NYAP2: variants seen among roughly 807,000 people sequenced by gnomAD.
NYAP2 encodes the protein neuronal tyrosine-phosphorylated phosphoinositide-3-kinase adapter 2.
A neutral mutation model predicts 50.4 loss-of-function variants in NYAP2; 23 were observed. The ratio of observed to expected loss-of-function variants is 0.46; its 90% CI spans 0.33 to 0.65. The LOEUF is 0.65. Among genes scored for constraint, NYAP2 ranks in the 30% least tolerant of loss-of-function variants. The probability of loss-of-function intolerance (pLI) is 0.02; values close to 1 mark genes in which losing one functional copy is unlikely to be tolerated. For missense variants in NYAP2, 885 were observed against 861.0 expected (o/e 1.03, Z -0.35); for synonymous variants, 394 against 365.2 (o/e 1.08, Z -0.90).
the NYAP2 span, among the ~76,000 whole-genome samples, chr2:225,666,837 C>G: frequency 2.8e-5 from 4 of 143,854 alleles, no homozygotes; most frequent in African/African-American, 8.1e-5. Flanking sequence ...TACATATTCC[C>G]CCCCCTCCAT....
At chr2:225,621,763 T>G (rs11682482) in intron 5 of NYAP2, among the ~76,000 whole-genome samples, 97,751 of 151,522 alleles carry the variant, frequency 0.65, 32,048 homozygotes, top group South Asian at 0.82. Context: ...AGAATGGGCA[T>G]ATTTGTTATA....
intron 5 of NYAP2, among the ~76,000 whole-genome samples, chr2:225,609,177 TA>T (rs771415388): frequency 3.3e-5 from 5 of 152,140 alleles, no homozygotes; most frequent in African/African-American, 4.8e-5. Flanking sequence ...TTTAAATCTT[TA>T]AGTCTTCTGG....
Position 225,645,050 on chromosome 2 carries a change from A to G in NYAP2, c.1829-6382A>G, listed in dbSNP as rs528126996. Among the ~76,000 whole-genome samples the G allele has an allele frequency of 3.3e-5, 5 of 152,294 alleles. No individual in the cohort carries two copies. In the East Asian group the frequency reaches 7.7e-4, roughly 23 times the overall value. On this transcript the variant is annotated intron_variant, in intron 6 of 6. Coordinates refer to ENST00000636099, the Ensembl canonical transcript of NYAP2. Reference sequence around the variant, plus strand: ...CAAGGTGGGCAGATCATCTGAGATCAGGGGTTCGAGACCAGCTTGGCCAAC... The same window carrying G: ...CAAGGTGGGCAGATCATCTGAGATCGGGGGTTCGAGACCAGCTTGGCCAAC...
At chr2:225,457,210 G>A (rs567156375) in intron 3 of NYAP2, among the ~76,000 whole-genome samples, 1 of 152,248 alleles carries the variant, frequency 6.6e-6, no homozygotes, top group Non-Finnish European at 1.5e-5. Context: ...CATGTGCCTG[G>A]TGTTGGTCTC....
At chr2:225,584,634 A>T (rs1328171317) in intron 5 of NYAP2, among the ~76,000 whole-genome samples, 1 of 152,222 alleles carries the variant, frequency 6.6e-6, no homozygotes, top group East Asian at 1.9e-4. Flanking sequence ...TGATGATGAA[A>T]ATGACAATGG....
At chr2:225,645,501 CTCTT>C (rs1693617188) in intron 6 of NYAP2, among the ~76,000 whole-genome samples, 1 of 151,842 alleles carries the variant, frequency 6.6e-6, no homozygotes, top group Non-Finnish European at 1.5e-5. Context: ...TTCTCTCTCT[CTCTT>C]TCTGAATCAA....
intron 4 of NYAP2, among the ~76,000 whole-genome samples, chr2:225,516,294 A>G (rs1178876646): frequency 6.6e-6 from 1 of 152,196 alleles, no homozygotes; most frequent in East Asian, 1.9e-4. Flanking sequence ...CAGCAGTTCA[A>G]CAAGCTTTAT....
At chr2:225,553,033 T>C (rs578145884) in intron 4 of NYAP2, among the ~76,000 whole-genome samples, 86 of 152,312 alleles carry the variant, frequency 5.6e-4, no homozygotes, top group Non-Finnish European at 1.1e-3. Context: ...TACTTTGTTA[T>C]AGCAGCCAAC....
At chr2:225,644,841 G>A (rs1378495027) in intron 6 of NYAP2, among the ~76,000 whole-genome samples, 3 of 151,920 alleles carry the variant, frequency 2.0e-5, no homozygotes, top group Middle Eastern at 3.4e-3. Context: ...TTTGGTTACT[G>A]TAGCCTTGTA....
chr2:225,619,775 C>T (rs997540464), intron 5 of NYAP2, among the ~76,000 whole-genome samples: 1 of 152,150 alleles, frequency 6.6e-6, no homozygotes, highest in Non-Finnish European at 1.5e-5. Flanking sequence ...ATGAATTGCT[C>T]CTGGTGTTAT....
At chr2:225,427,094 T>C (rs972735034) in intron 3 of NYAP2, among the ~76,000 whole-genome samples, 2 of 152,170 alleles carry the variant, frequency 1.3e-5, no homozygotes, top group Non-Finnish European at 2.9e-5. Flanking sequence ...GTAAGAAAAA[T>C]GGAAAGTTTG....
rs766834686 is a variant in NYAP2 at position 225,582,451 on chromosome 2, A to T, written c.1034A>T (p.His345Leu). The T allele has an allele frequency of 1.4e-5, 9 of 666,514 alleles. No homozygotes were observed. Among genetic ancestry groups the T allele is most frequent in the Admixed American group, 1.1e-4 (4 of 35,840 alleles). 41.3% of individuals were successfully genotyped at this position (666,514 alleles called of 1,614,324 possible). The change falls in exon 5 of 7, where the codon CAT (histidine) becomes CTT (leucine). Residue 345 changes from histidine (H) to leucine (L), a missense_variant. His to Leu is a moderately conservative substitution (Grantham distance 99). Coordinates refer to ENST00000636099, the Ensembl canonical transcript of NYAP2. This position sits in a 1 kb window ranked among gnomAD's most constrained non-coding sequence, Gnocchi z 7.0. The stretch of plus-strand genomic sequence containing the variant: ...CTGGTATTTCCCCCCGCCCCCGTGC[A>T]TTGCTCCCCCAACTCCGACGAGTCC...
rs1195291722 is a variant in NYAP2 at position 225,521,069 on chromosome 2, CTGTT to C, written c.523+7401_523+7404del. On this transcript the variant is annotated intron_variant, in intron 4 of 6. Transcript: ENST00000636099. ...GGGAGTTCACTCATGATTTGGCTCT[CTGTT>C]TGTCTGTTCTTGGTGTATAAGAATG... is the stretch of plus-strand genomic sequence containing the variant. Among the ~76,000 whole-genome samples the C allele has an allele frequency of 3.5e-5, 5 of 141,870 alleles. No homozygotes were observed. The East Asian group carries it at 1.0e-3, about 29-fold the overall frequency. The allele number at this position is 141,870 out of a possible 152,430, so 93.1% of individuals were successfully genotyped here.
At chr2:225,578,379 T>G (rs1692205966) in intron 4 of NYAP2, among the ~76,000 whole-genome samples, 1 of 152,144 alleles carries the variant, frequency 6.6e-6, no homozygotes, top group Admixed American at 6.6e-5. Flanking sequence ...TAAAGAGGGA[T>G]TCCCTGGGCA....
At chr2:225,524,513 G>A (rs1173178246) in intron 4 of NYAP2, among the ~76,000 whole-genome samples, 2 of 152,040 alleles carry the variant, frequency 1.3e-5, no homozygotes, top group Non-Finnish European at 2.9e-5. Flanking sequence ...ACAATGTTTT[G>A]CATCCTTCAG....
chr2:225,701,621 TA>T, the NYAP2 span: 1 of 151,868 alleles, frequency 6.6e-6, no homozygotes, highest in Non-Finnish European at 1.5e-5. Context: ...ATGTTTATGC[TA>T]CTGAAGCAAG....
the NYAP2 span, among the ~76,000 whole-genome samples, chr2:225,667,384 C>A: frequency 6.6e-6 from 1 of 152,024 alleles, no homozygotes; most frequent in South Asian, 2.1e-4. Context: ...AGTCTGAAGT[C>A]ATACAATTTG....
intron 3 of NYAP2, among the ~76,000 whole-genome samples, chr2:225,434,763 C>T (rs1574612855): frequency 1.3e-5 from 2 of 152,100 alleles, no homozygotes; most frequent in Admixed American, 6.5e-5. Context: ...GTGTTGGACA[C>T]GTTTCATTAA....
upstream of NYAP2, among the ~76,000 whole-genome samples, chr2:225,399,170 A>C (rs796382509): frequency 3.9e-5 from 6 of 152,208 alleles, no homozygotes; most frequent in African/African-American, 1.4e-4. Context: ...ACTATCAAGT[A>C]ATAAGCACAT....
Sources: gnomAD v4.1 joint callset for allele counts (sites outside exome capture counted in the v4.1 genomes callset) on GRCh38, gnomAD v4.1.1 for gene constraint, Gnocchi (gnomAD v3.1) non-coding constraint, MANE v1.5 for transcripts, NCBI Gene and HGNC (gene_info 2026-07-23, HGNC 2026-07-21) for gene names.